AP3B1: variants seen among roughly 807,000 people sequenced by gnomAD.
AP3B1 encodes the protein AP-3 complex subunit beta-1.
AP3B1 carries 61 observed loss-of-function variants against 132.5 expected under a neutral mutation model. The observed-to-expected ratio is 0.46, with a 90% CI of 0.37 to 0.57. AP3B1 has a LOEUF of 0.57. Ranked by LOEUF, AP3B1 falls within the 20% of genes least tolerant of loss-of-function variation. The probability of loss-of-function intolerance (pLI) is 0.00; values close to 1 mark genes in which losing one functional copy is unlikely to be tolerated. For synonymous variants in AP3B1, 388 were observed against 438.3 expected, an observed-to-expected ratio of 0.89 and a Z score of 1.43; for missense variants, 1,120 against 1,289.4, an observed-to-expected ratio of 0.87 and a Z score of 2.01.
At position 78,097,010 on chromosome 5, in the gene AP3B1, G is replaced by A. The variant is rs1750847618; in HGVS notation, c.2470+3943C>T. On this transcript the variant is annotated intron_variant, in intron 21 of 26. Coordinates refer to ENST00000255194, the MANE Select transcript of AP3B1 (RefSeq NM_003664.5). ...GCCAGCCGCCCTGTCCGGGAGGGAG[G>A]TGGGGGGGTCAGCCCCCCGCCCGGC... 1.5e-5 allele frequency among the ~76,000 whole-genome samples: 2 copies of A among 133,710 alleles called. 1 individual carries two copies. Among genetic ancestry groups the A allele is most frequent in the Middle Eastern group, 7.5e-3 (2 of 268 alleles). 87.7% of individuals were successfully genotyped at this position (133,710 alleles called of 152,430 possible).
chr5:78,220,888 A>C (rs1164990511), intron 6 of AP3B1, among the ~76,000 whole-genome samples: 5 of 152,068 alleles, frequency 3.3e-5, no homozygotes, highest in Non-Finnish European at 7.4e-5. Flanking sequence ...CTTTACAAAA[A>C]ATTTTTTTTA....
chr5:78,032,038 A>C (rs1169175714), intron 24 of AP3B1, among the ~76,000 whole-genome samples: 2 of 152,182 alleles, frequency 1.3e-5, no homozygotes, highest in African/African-American at 4.8e-5. Context: ...ATTTGATCTC[A>C]ATAAATTTAA....
At chr5:78,037,827 T>C (rs1013522413) in intron 23 of AP3B1, among the ~76,000 whole-genome samples, 2 of 152,244 alleles carry the variant, frequency 1.3e-5, no homozygotes, top group Non-Finnish European at 2.9e-5. Flanking sequence ...TTACTTTTAA[T>C]TGAGGTTTTG....
At chr5:78,242,698 T>C (rs949014152) in intron 2 of AP3B1, among the ~76,000 whole-genome samples, 1 of 152,122 alleles carries the variant, frequency 6.6e-6, no homozygotes, top group African/African-American at 2.4e-5. Context: ...CGTGCCACCA[T>C]GTGCAGCCTC....
chr5:78,032,380 A>C (rs1017294230), intron 24 of AP3B1, among the ~76,000 whole-genome samples: 2 of 152,148 alleles, frequency 1.3e-5, no homozygotes, highest in Non-Finnish European at 2.9e-5. Flanking sequence ...ATTCAATATC[A>C]GCCATTCTTG....
rs560113962 is a variant in AP3B1, at chr5:78,081,300, AT to A, written c.2577+8092del. Among the ~76,000 whole-genome samples, 978 of 100,698 alleles carry A rather than the reference AT, an allele frequency of 9.7e-3. 6 individuals carry two copies. The highest frequency in any genetic ancestry group is 0.032 in the African/African-American group (859 of 27,144). 66.1% of individuals were successfully genotyped at this position (100,698 alleles called of 152,430 possible). A position where few individuals can be genotyped will look rare whatever the true frequency, so the allele number is the denominator to read the frequency against. ...AGCCTATTTTTCACAGCATTACTTC[AT>A]TTTTTTTTTTTTTTTTTTTTTTTTG... On this transcript the variant is annotated intron_variant, in intron 22 of 26. Coordinates refer to ENST00000255194, the MANE Select transcript of AP3B1 (RefSeq NM_003664.5).
intron 7 of AP3B1, among the ~76,000 whole-genome samples, chr5:78,207,353 G>A (rs1417883753): frequency 6.6e-6 from 1 of 151,824 alleles, no homozygotes; most frequent in African/African-American, 2.4e-5. Context: ...CTTGAGCCTG[G>A]AAGGGCGAAG....
chr5:78,165,785 T>G, intron 11 of AP3B1, 113 bp from the exon 12 acceptor site: 1 of 845,168 alleles, frequency 1.2e-6, no homozygotes, highest in Non-Finnish European at 2.0e-6. Context: ...AATCACATTG[T>G]CAGCCGGGCA....
intron 11 of AP3B1, among the ~76,000 whole-genome samples, chr5:78,167,347 T>C (rs1466301621): frequency 6.6e-6 from 1 of 151,960 alleles, no homozygotes; most frequent in Non-Finnish European, 1.5e-5. Context: ...TAATAGATGT[T>C]AGCATGGATG....
At position 78,002,989 on chromosome 5, in the gene AP3B1, A is replaced by G. The variant is rs762840206; in HGVS notation, c.3198T>C (p.Ser1066=). The change falls in exon 27 of 27, where the codon TCT becomes TCC. Residue 1066 remains serine (S), a synonymous_variant. Coordinates refer to ENST00000255194, the MANE Select transcript of AP3B1 (RefSeq NM_003664.5). Reference sequence around the variant, plus strand: ...CAGTGTTTATGATAAGCTGGGCTGTAGAGCCTTCCTTCAGTTCCACTGTGA... The same window carrying G: ...CAGTGTTTATGATAAGCTGGGCTGTGGAGCCTTCCTTCAGTTCCACTGTGA... ...MLVTVELKEG[S]TAQLIINTEK... is the part of the protein sequence containing the mutation. 1 of 1,614,210 alleles carries G rather than the reference A, an allele frequency of 6.2e-7. No homozygotes were observed. Among genetic ancestry groups the G allele is most frequent in the Non-Finnish European group, 8.5e-7 (1 of 1,180,020 alleles).
At chr5:78,273,658 C>T (rs1025116984) in intron 1 of AP3B1, among the ~76,000 whole-genome samples, 1 of 152,070 alleles carries the variant, frequency 6.6e-6, no homozygotes, top group Non-Finnish European at 1.5e-5. Flanking sequence ...CTCCAGGAAA[C>T]ACAACAAAAA....
Position 78,165,653 on chromosome 5 carries a change from A to G in AP3B1, c.1187T>C (p.Leu396Ser). The change falls in exon 12 of 27, where the codon TTG (leucine) becomes TCG (serine). Residue 396 changes from leucine to serine, a missense_variant. Around this residue, in one of 3 missense-constraint regions of AP3B1, gnomAD observed 906 missense variants for 997.1 expected, o/e 0.91. Transcript: ENST00000255194. ...KTLKLEILTN[L>S]ANEANISTLL... ...AGTTGATATGTTGGCTTCATTTGCC[A>G]AGTTTGTCAAAATTTCAAGCTATAG... 6.2e-7 allele frequency: 1 copy of G among 1,607,746 alleles called. No homozygotes were observed. Among genetic ancestry groups the G allele is most frequent in the Non-Finnish European group, 8.5e-7 (1 of 1,175,546 alleles).
At chr5:78,258,545 G>A (rs1580555286) in intron 2 of AP3B1, among the ~76,000 whole-genome samples, 1 of 152,156 alleles carries the variant, frequency 6.6e-6, no homozygotes, top group East Asian at 1.9e-4. Flanking sequence ...AACAACAAAT[G>A]CTGGTGAGGA....
chr5:78,197,440 A>G (rs1745120340), intron 7 of AP3B1, among the ~76,000 whole-genome samples: 1 of 152,192 alleles, frequency 6.6e-6, no homozygotes, highest in Non-Finnish European at 1.5e-5. Context: ...ATATACTCTT[A>G]AGGTACTATT....
chr5:78,223,027 C>CA (rs1746250167), intron 6 of AP3B1, among the ~76,000 whole-genome samples: 4 of 127,818 alleles, frequency 3.1e-5, no homozygotes, highest in African/African-American at 1.2e-4. Context: ...TTGTTTGTTT[C>CA]TTTTTTTTTT....
chr5:78,252,533 T>C (rs574522877), intron 2 of AP3B1, among the ~76,000 whole-genome samples: 6 of 152,306 alleles, frequency 3.9e-5, no homozygotes, highest in South Asian at 2.1e-4. Flanking sequence ...TTTTCATGAA[T>C]GCTGACTTAA....
chr5:78,048,931 T>C (rs1313868852), intron 22 of AP3B1, among the ~76,000 whole-genome samples: 6 of 152,144 alleles, frequency 3.9e-5, no homozygotes, highest in Non-Finnish European at 2.9e-5. Flanking sequence ...TCCCCCACTT[T>C]CTCTAAAGTC....
At chr5:78,262,254 T>G (rs915890029) in intron 2 of AP3B1, among the ~76,000 whole-genome samples, 1 of 152,218 alleles carries the variant, frequency 6.6e-6, no homozygotes, top group Admixed American at 6.5e-5. Flanking sequence ...TCTACTTTTT[T>G]TTTACTGTTC....
intron 7 of AP3B1, among the ~76,000 whole-genome samples, chr5:78,186,733 T>A (rs1744621725): frequency 6.6e-6 from 1 of 152,262 alleles, no homozygotes; most frequent in Admixed American, 6.5e-5. Context: ...GTTGTATTTA[T>A]GCATTGTTAT....
Sources: gnomAD v4.1 joint callset for allele counts (sites outside exome capture counted in the v4.1 genomes callset) on GRCh38, gnomAD v4.1.1 for gene constraint, gnomAD v4.1.1 regional missense constraint, MANE v1.5 for transcripts, NCBI Gene and HGNC (gene_info 2026-07-23, HGNC 2026-07-21) for gene names.